Variants in KCNAB2 observed in about 807,000 individuals in gnomAD.
The protein encoded by KCNAB2 is voltage-gated potassium channel subunit beta-2.
Under a neutral mutation model 63.6 loss-of-function variants are expected in KCNAB2, and 29 were observed. The observed-to-expected ratio is 0.46, with a 90% CI of 0.34 to 0.62. The LOEUF is 0.62. KCNAB2 is among the 20% of genes least tolerant of loss of function. KCNAB2 has a pLI of 0.01. For synonymous variants in KCNAB2, 222 were observed against 224.2 expected (o/e 0.99, Z 0.09); for missense variants, 359 against 563.9 (o/e 0.64, Z 3.68).
chr1:6,079,220 G>C (rs966165359), intron 4 of KCNAB2, among the ~76,000 whole-genome samples: 1 of 149,350 alleles, frequency 6.7e-6, no homozygotes, highest in Admixed American at 6.7e-5. Context: ...CTCTCTCCTT[G>C]CCTGCCTGAC....
intron 1 of KCNAB2, chr1:6,025,962 ACACAGCCGATCCCG>A: frequency 2.7e-5 from 4 of 150,488 alleles, no homozygotes; most frequent in East Asian, 2.0e-4. Context: ...CGATCCCGGC[ACACAGCCGATCCCG>A]GCACACTGCT....
intron 9 of KCNAB2, 61 bp from the exon 10 acceptor site, chr1:6,091,202 A>G (rs1356714667): frequency 1.6e-6 from 2 of 1,275,428 alleles, no homozygotes; most frequent in Non-Finnish European, 2.2e-6. Flanking sequence ...TCGTCGTGCC[A>G]CGCCTCTCAG....
At chr1:6,051,231 G>T (rs1445614851) in intron 1 of KCNAB2, among the ~76,000 whole-genome samples, 1 of 152,254 alleles carries the variant, frequency 6.6e-6, no homozygotes, top group Non-Finnish European at 1.5e-5. Flanking sequence ...CAGCTGTCCT[G>T]CCTGGAATGC....
intron 2 of KCNAB2, among the ~76,000 whole-genome samples, chr1:6,058,562 G>A (rs1662037400): frequency 6.6e-6 from 1 of 152,242 alleles, no homozygotes; most frequent in African/African-American, 2.4e-5. Flanking sequence ...GGCTCATTGT[G>A]GGAGAGAAAT....
intron 1 of KCNAB2, among the ~76,000 whole-genome samples, chr1:6,008,248 AC>A (rs751004780): frequency 8.4e-4 from 127 of 152,074 alleles, no homozygotes; most frequent in Non-Finnish European, 1.5e-3. Context: ...CCCCCCCATC[AC>A]CCTGACAGTG....
At chr1:6,034,079 C>G (rs1208468512), upstream of KCNAB2, among the ~76,000 whole-genome samples, 1 of 152,212 alleles carries the variant, frequency 6.6e-6, no homozygotes, top group East Asian at 1.9e-4. Flanking sequence ...GATCCCAGGG[C>G]CACCCAGCTT....
Position 6,085,169 on chromosome 1 carries a change from TG to T in KCNAB2, c.381-33del, listed in dbSNP as rs1255940350. The stretch of plus-strand genomic sequence containing the variant: ...TGGGTCTGGGTTTGATTTTTCTGTT[TG>T]GCTGTGATGAGAGCTCGGTGTCTTG... On this transcript the variant is annotated intron_variant, in intron 5 of 15. Coordinates refer to ENST00000378083, the MANE Select transcript of KCNAB2 (RefSeq NM_001199862.2). 5.0e-6 allele frequency: 8 copies of T among 1,612,878 alleles called. No homozygotes were observed. In the South Asian group the frequency reaches 7.7e-5, roughly 16 times the overall value.
At chr1:6,090,981 G>A (rs1024452797) in intron 9 of KCNAB2, among the ~76,000 whole-genome samples, 10 of 152,198 alleles carry the variant, frequency 6.6e-5, no homozygotes, top group African/African-American at 1.7e-4. Context: ...CTACTCCTGC[G>A]ATCTCAGCCC....
At chr1:5,999,201 C>T (rs1034537361) in intron 1 of KCNAB2, among the ~76,000 whole-genome samples, 5 of 152,236 alleles carry the variant, frequency 3.3e-5, no homozygotes, top group Admixed American at 1.3e-4. Flanking sequence ...TAGTGCTTTA[C>T]GTTCTGTGTA....
chr1:6,037,309 A>G (rs1034830370), intron 1 of KCNAB2, among the ~76,000 whole-genome samples: 1 of 152,234 alleles, frequency 6.6e-6, no homozygotes, highest in Non-Finnish European at 1.5e-5. Context: ...GGTGGGCTAC[A>G]TGCCCTGTTA....
At chr1:6,052,142 C>T (rs1172552086) in intron 2 of KCNAB2, among the ~76,000 whole-genome samples, 5 of 151,878 alleles carry the variant, frequency 3.3e-5, no homozygotes, top group African/African-American at 1.2e-4. Context: ...GAAAATGAGG[C>T]CAGGCACGGT....
At chr1:6,088,035 TTC>T (rs1427003864) in intron 7 of KCNAB2, among the ~76,000 whole-genome samples, 1 of 152,120 alleles carries the variant, frequency 6.6e-6, no homozygotes, top group African/African-American at 2.4e-5. Flanking sequence ...CATTCATTCA[TTC>T]TTTTTTTTAT....
intron 1 of KCNAB2, among the ~76,000 whole-genome samples, chr1:6,009,980 C>T (rs1358948603): frequency 6.6e-6 from 1 of 151,930 alleles, no homozygotes; most frequent in Admixed American, 6.6e-5. Context: ...AGGCGATTCT[C>T]CTGCCTCGGC....
chr1:6,042,343 G>C (rs1660564472), upstream of KCNAB2, among the ~76,000 whole-genome samples: 1 of 152,194 alleles, frequency 6.6e-6, no homozygotes, highest in South Asian at 2.1e-4. Flanking sequence ...CTGCTTGGGG[G>C]TGTGCAGTAC....
upstream of KCNAB2, among the ~76,000 whole-genome samples, chr1:6,042,842 C>A (rs1038320032): frequency 4.7e-3 from 296 of 62,884 alleles, 9 homozygotes; most frequent in Non-Finnish European, 6.7e-3. Context: ...CCCCACTCCC[C>A]ACCCCCCCCC....
chr1:6,013,594 CCT>C (rs1476508904), intron 1 of KCNAB2, among the ~76,000 whole-genome samples: 2 of 152,150 alleles, frequency 1.3e-5, no homozygotes, highest in African/African-American at 2.4e-5. Context: ...CCACAACTCC[CCT>C]GTTTCAGAAA....
chr1:6,098,802 G>A lies in KCNAB2; in HGVS notation c.*228G>A, dbSNP rs2100807311. 3.8e-6 allele frequency: 2 copies of A among 521,840 alleles called. No individual in the cohort carries two copies. The highest frequency in any genetic ancestry group is 6.7e-6 in the Non-Finnish European group (2 of 298,000). 32.3% of individuals were successfully genotyped at this position (521,840 alleles called of 1,614,324 possible). ...GCCGGGGAAGGCACTGGTTAGGAAG[G>A]ATGTTCAAACGGTCCCACCCAAGCC... On this transcript the variant is annotated 3_prime_UTR_variant, in exon 16 of 16. Coordinates refer to ENST00000378083, the MANE Select transcript of KCNAB2 (RefSeq NM_001199862.2).
chr1:6,029,903 A>G (rs2100380919), upstream of KCNAB2, among the ~76,000 whole-genome samples: 1 of 152,352 alleles, frequency 6.6e-6, no homozygotes, highest in Admixed American at 6.5e-5. Flanking sequence ...CAGCACTGGC[A>G]AGATTTCAGC....
At chr1:6,092,643 T>C (rs915489856) in intron 10 of KCNAB2, among the ~76,000 whole-genome samples, 2 of 152,190 alleles carry the variant, frequency 1.3e-5, no homozygotes, top group Admixed American at 1.3e-4. Context: ...CAGGATGTAG[T>C]CAGAGATTCT....
Sources: gnomAD v4.1 joint callset for allele counts (sites outside exome capture counted in the v4.1 genomes callset) on GRCh38, gnomAD v4.1.1 for gene constraint, MANE v1.5 for transcripts, NCBI Gene and HGNC (gene_info 2026-07-23, HGNC 2026-07-21) for gene names.